The following NPAS3 variants were observed in gnomAD, a reference collection of about 807,000 sequenced individuals.
NPAS3 encodes the protein neuronal PAS domain-containing protein 3.
A neutral mutation model predicts 73.1 loss-of-function variants in NPAS3; 14 were observed. The observed-to-expected ratio is 0.19, with a 90% CI of 0.13 to 0.30. The LOEUF is 0.30. Ranked by LOEUF, NPAS3 falls within the 10% of genes least tolerant of loss-of-function variation. NPAS3 has a pLI of 1.00. For synonymous variants in NPAS3, 620 were observed against 541.5 expected, an observed-to-expected ratio of 1.14 and a Z score of -2.01; for missense variants, 1,096 against 1,250.0, an observed-to-expected ratio of 0.88 and a Z score of 1.86.
chr14:33,247,866 C>A (rs981227031), intron 3 of NPAS3, among the ~76,000 whole-genome samples: 5 of 152,174 alleles, frequency 3.3e-5, no homozygotes, highest in Non-Finnish European at 7.3e-5. Context: ...TACATTCACC[C>A]TAGTCTTTGC....
At chr14:33,775,825 G>A (rs1371943970) in intron 8 of NPAS3, among the ~76,000 whole-genome samples, 3 of 152,218 alleles carry the variant, frequency 2.0e-5, no homozygotes, top group Non-Finnish European at 4.4e-5. Flanking sequence ...GCTGGAGTTG[G>A]CAGTTCCTAA....
At chr14:33,008,374 A>T (rs930534607) in intron 1 of NPAS3, among the ~76,000 whole-genome samples, 1 of 152,208 alleles carries the variant, frequency 6.6e-6, no homozygotes, top group East Asian at 1.9e-4. Context: ...TCACAGAAGA[A>T]TACAGTATAT....
chr14:33,650,257 C>T (rs1485014250), intron 5 of NPAS3, among the ~76,000 whole-genome samples: 6 of 152,110 alleles, frequency 3.9e-5, no homozygotes, highest in African/African-American at 1.2e-4. Context: ...GCTACCTTAA[C>T]GCAAGCAGGA....
At chr14:33,798,575 C>T (rs1478554928) in intron 11 of NPAS3, among the ~76,000 whole-genome samples, 2 of 152,126 alleles carry the variant, frequency 1.3e-5, no homozygotes, top group Non-Finnish European at 2.9e-5. Context: ...CTTGAGGGCA[C>T]CTGTGCTCCA....
intron 4 of NPAS3, among the ~76,000 whole-genome samples, chr14:33,467,825 G>C (rs2050600489): frequency 6.6e-6 from 1 of 152,158 alleles, no homozygotes; most frequent in African/African-American, 2.4e-5. Context: ...ATCTCTCAAA[G>C]TTGCCATTGT....
chr14:33,436,195 C>T (rs1051651272), intron 4 of NPAS3, among the ~76,000 whole-genome samples: 4 of 152,160 alleles, frequency 2.6e-5, no homozygotes, highest in East Asian at 1.9e-4. Context: ...ACTCCTTTCT[C>T]GTGCATGTAA....
intron 3 of NPAS3, among the ~76,000 whole-genome samples, chr14:33,231,117 A>G (rs997219155): frequency 1.3e-5 from 2 of 152,200 alleles, no homozygotes; most frequent in Non-Finnish European, 2.9e-5. Context: ...TTGCTCGTGC[A>G]AGCTTGCCAG....
intron 6 of NPAS3, among the ~76,000 whole-genome samples, chr14:33,730,383 A>G (rs957255127): frequency 2.0e-5 from 3 of 152,238 alleles, no homozygotes; most frequent in African/African-American, 7.2e-5. Flanking sequence ...TGTGTTAGTC[A>G]GTATGGGCTA....
intron 3 of NPAS3, among the ~76,000 whole-genome samples, chr14:33,265,770 T>C (rs2040786497): frequency 6.6e-6 from 1 of 152,050 alleles, no homozygotes; most frequent in South Asian, 2.1e-4. Flanking sequence ...TTTGTTACTT[T>C]TTTACTTGAA....
intron 2 of NPAS3, among the ~76,000 whole-genome samples, chr14:33,180,695 A>C: frequency 6.8e-6 from 1 of 147,266 alleles, no homozygotes; most frequent in Non-Finnish European, 1.5e-5. Context: ...GCTACTCAGG[A>C]GGCTGAGGCA....
rs67518761 is a variant in NPAS3, at chr14:33,308,510, T to TTA, written c.386-58659_386-58658dup. On this transcript the variant is annotated intron_variant, in intron 3 of 11. Coordinates refer to ENST00000356141, the Ensembl canonical transcript of NPAS3. ...TTTTCTAAAGGGACTATTGCATAGT[T>TTA]TATATATATATATATATACATACAC... 6.2e-3 allele frequency among the ~76,000 whole-genome samples: 517 copies of TTA among 83,524 alleles called. 28 individuals are homozygous for TTA. In the South Asian group the frequency reaches 0.065, roughly 10 times the overall value. 54.8% of individuals were successfully genotyped at this position (83,524 alleles called of 152,430 possible). A position where few individuals can be genotyped will look rare whatever the true frequency, so the allele number is the denominator to read the frequency against.
intron 1 of NPAS3, among the ~76,000 whole-genome samples, chr14:33,054,666 G>T (rs961062758): frequency 1.3e-5 from 2 of 149,408 alleles, no homozygotes; most frequent in African/African-American, 2.5e-5. Context: ...AGGCTGGAGT[G>T]CAGTGGCAGG....
intron 7 of NPAS3, among the ~76,000 whole-genome samples, chr14:33,761,520 A>G (rs2062289901): frequency 6.6e-6 from 1 of 152,194 alleles, no homozygotes; most frequent in African/African-American, 2.4e-5. Context: ...AAAAAAAAAA[A>G]AAGAGTATAG....
chr14:33,507,063 T>A (rs2052800333), intron 4 of NPAS3, among the ~76,000 whole-genome samples: 1 of 151,956 alleles, frequency 6.6e-6, no homozygotes, highest in Admixed American at 6.6e-5. Flanking sequence ...AAAAGAGCCA[T>A]CTCTACTTCA....
At chr14:33,674,611 G>A (rs568528284) in intron 5 of NPAS3, among the ~76,000 whole-genome samples, 12 of 152,124 alleles carry the variant, frequency 7.9e-5, no homozygotes, top group Non-Finnish European at 1.5e-4. Flanking sequence ...CCCGATTTAC[G>A]CTCTGTAGCA....
intron 6 of NPAS3, among the ~76,000 whole-genome samples, chr14:33,694,996 G>A (rs1007940387): frequency 6.6e-6 from 1 of 152,148 alleles, no homozygotes; most frequent in African/African-American, 2.4e-5. Flanking sequence ...TTGCCTGGCT[G>A]TTGAGTTTAG....
intron 4 of NPAS3, among the ~76,000 whole-genome samples, chr14:33,487,135 T>C (rs1048855028): frequency 6.6e-6 from 1 of 152,190 alleles, no homozygotes; most frequent in Admixed American, 6.5e-5. Context: ...TTCAGACTTC[T>C]TGGCCAGGGA....
At chr14:33,670,490 T>C (rs922405944) in intron 5 of NPAS3, among the ~76,000 whole-genome samples, 1 of 152,154 alleles carries the variant, frequency 6.6e-6, no homozygotes, top group African/African-American at 2.4e-5. Flanking sequence ...AGTTCTGCAA[T>C]ATGTAGGAAG....
intron 6 of NPAS3, among the ~76,000 whole-genome samples, chr14:33,696,904 T>C (rs1467746606): frequency 2.0e-5 from 3 of 152,240 alleles, no homozygotes; most frequent in Non-Finnish European, 2.9e-5. Context: ...TACTTACTTC[T>C]GAGTTGCCCA....
Sources: allele counts gnomAD v4.1 joint callset (sites outside exome capture counted in the v4.1 genomes callset), GRCh38; gene constraint gnomAD v4.1.1; transcripts MANE v1.5; gene names NCBI Gene and HGNC (gene_info 2026-07-23, HGNC 2026-07-21).